CHCHD6: variants seen among roughly 807,000 people sequenced by gnomAD.
CHCHD6 encodes the protein MICOS complex subunit MIC25.
In CHCHD6, 28 loss-of-function variants were observed where a neutral mutation model predicts 32.3. The ratio of observed to expected loss-of-function variants is 0.87; its 90% CI spans 0.64 to 1.19. The LOEUF (loss-of-function observed/expected upper bound fraction) is 1.19, where lower values mean the gene tolerates loss of function less well. Ranked by LOEUF, CHCHD6 falls within the 50% of genes most tolerant of loss-of-function variation. The pLI, the probability that CHCHD6 is intolerant of heterozygous loss-of-function variation, is 0.00. For synonymous variants in CHCHD6, 122 were observed against 117.5 expected (o/e 1.04, Z -0.25); for missense variants, 333 against 307.0 (o/e 1.08, Z -0.63).
chr3:126,791,857 T>A (rs193285072), intron 4 of CHCHD6, among the ~76,000 whole-genome samples: 22 of 152,350 alleles, frequency 1.4e-4, no homozygotes, highest in Non-Finnish European at 3.1e-4. Flanking sequence ...GCGATCCACC[T>A]GCCTTGGCCT....
intron 4 of CHCHD6, among the ~76,000 whole-genome samples, chr3:126,814,578 C>T (rs1215389318): frequency 6.6e-6 from 1 of 152,186 alleles, no homozygotes; most frequent in Non-Finnish European, 1.5e-5. Context: ...CCATAAAAAC[C>T]TAAGAGGACA....
intron 5 of CHCHD6, among the ~76,000 whole-genome samples, chr3:126,912,133 T>C (rs1407752479): frequency 6.6e-6 from 1 of 152,102 alleles, no homozygotes; most frequent in African/African-American, 2.4e-5. Flanking sequence ...TTGAGAGAAG[T>C]GACTTACCCA....
chr3:126,929,374 C>T (rs77338006), intron 6 of CHCHD6, among the ~76,000 whole-genome samples: 3,453 of 152,278 alleles, frequency 0.023, 59 homozygotes, highest in Non-Finnish European at 0.041. Flanking sequence ...TCTGCTGTCT[C>T]CTTGGCTGGG....
At chr3:126,768,174 C>G (rs1196634052) in intron 4 of CHCHD6, among the ~76,000 whole-genome samples, 1 of 152,134 alleles carries the variant, frequency 6.6e-6, no homozygotes, top group Non-Finnish European at 1.5e-5. Context: ...ATTTCTCATG[C>G]ATGGTTTAGC....
intron 6 of CHCHD6, among the ~76,000 whole-genome samples, chr3:126,928,138 G>A (rs778927579): frequency 1.8e-4 from 28 of 152,346 alleles, no homozygotes; most frequent in African/African-American, 4.8e-4. Context: ...GATGACTTCC[G>A]TGAGAGCCCA....
chr3:126,720,329 G>A (rs2107653997), intron 1 of CHCHD6, among the ~76,000 whole-genome samples: 1 of 152,258 alleles, frequency 6.6e-6, no homozygotes. Context: ...TAGATCCCAG[G>A]ACCCCTGAGG....
rs540720417 is a variant in CHCHD6, at chr3:126,782,961, A to T, written c.411+49739A>T. On this transcript the variant is annotated intron_variant, in intron 4 of 7. Transcript: ENST00000290913. ...ATCAATCTTTTGCATATGGCTGGTC[A>T]GTTAGTCCAGCACCATTTATTGAAT... 6.6e-5 allele frequency among the ~76,000 whole-genome samples: 10 copies of T among 152,308 alleles called. No homozygotes were observed. The East Asian group carries it at 1.9e-3, about 29-fold the overall frequency.
chr3:126,890,550 A>T (rs1207311529), intron 5 of CHCHD6, among the ~76,000 whole-genome samples: 2 of 152,142 alleles, frequency 1.3e-5, no homozygotes, highest in African/African-American at 4.8e-5. Context: ...TGGGGATGAG[A>T]GTAGGGACTG....
At chr3:126,834,127 C>G (rs116004006) in intron 4 of CHCHD6, among the ~76,000 whole-genome samples, 4,552 of 144,332 alleles carry the variant, frequency 0.032, 97 homozygotes, top group Non-Finnish European at 0.04. Context: ...GTGAAATAAT[C>G]AATGTATCTT....
Position 126,704,255 on chromosome 3 carries a change from C to A in CHCHD6, c.-58C>A, listed in dbSNP as rs979270249. On this transcript the variant is annotated 5_prime_UTR_variant, in exon 1 of 8. Transcript: ENST00000290913. ...CGAGTCCTGGAAAGCGTTGTTGGCC[C>A]GGTTGCTCTGGAGCCGGGTCTCGGG... 5.0e-6 allele frequency: 7 copies of A among 1,410,990 alleles called. No homozygotes were observed. The highest frequency in any genetic ancestry group is 6.9e-6 in the Non-Finnish European group (7 of 1,010,462). 87.4% of individuals were successfully genotyped at this position (1,410,990 alleles called of 1,614,324 possible).
At chr3:126,960,146 G>A (rs1443650720) in intron 7 of CHCHD6, 50 bp from the exon 8 acceptor site, 1 of 1,551,068 alleles carries the variant, frequency 6.4e-7, no homozygotes, top group Admixed American at 2.0e-5. Flanking sequence ...GGAGCTGGAG[G>A]GCATGGGCGG....
intron 4 of CHCHD6, among the ~76,000 whole-genome samples, chr3:126,774,971 T>A (rs1576400397): frequency 6.6e-6 from 1 of 152,154 alleles, no homozygotes; most frequent in Non-Finnish European, 1.5e-5. Flanking sequence ...ACTCAGGGAA[T>A]CCACTGTCCT....
At chr3:126,908,662 A>G (rs965722043) in intron 5 of CHCHD6, among the ~76,000 whole-genome samples, 2 of 152,202 alleles carry the variant, frequency 1.3e-5, no homozygotes, top group Non-Finnish European at 1.5e-5. Context: ...GAGACCTGAC[A>G]CTTCCGATAC....
At chr3:126,798,569 G>A (rs1938908703) in intron 4 of CHCHD6, among the ~76,000 whole-genome samples, 2 of 151,668 alleles carry the variant, frequency 1.3e-5, no homozygotes, top group South Asian at 2.1e-4. Context: ...TCGGCTCCCC[G>A]ATGGTACTCG....
Position 126,901,069 on chromosome 3 carries a change from G to A in CHCHD6, c.496-13611G>A, listed in dbSNP as rs538004084. 3.9e-5 allele frequency among the ~76,000 whole-genome samples: 6 copies of A among 152,224 alleles called. No homozygotes were observed. The East Asian group carries it at 7.7e-4, about 20-fold the overall frequency. ...TTGACATGAGATTCAGTAGGGACAC[G>A]GATCCAAACCATATCACCAGCACAG... On this transcript the variant is annotated intron_variant, in intron 5 of 7. Coordinates refer to ENST00000290913, the MANE Select transcript of CHCHD6 (RefSeq NM_032343.3).
At chr3:126,920,083 G>C (rs1439552936) in intron 6 of CHCHD6, among the ~76,000 whole-genome samples, 1 of 151,710 alleles carries the variant, frequency 6.6e-6, no homozygotes, top group African/African-American at 2.4e-5. Flanking sequence ...CCATGCTATA[G>C]TTGGAGTTCT....
intron 5 of CHCHD6, among the ~76,000 whole-genome samples, chr3:126,875,553 A>G (rs982298387): frequency 6.6e-6 from 1 of 152,166 alleles, no homozygotes; most frequent in Non-Finnish European, 1.5e-5. Flanking sequence ...GCTGGAGAGA[A>G]TTGGGCTCAA....
intron 4 of CHCHD6, among the ~76,000 whole-genome samples, chr3:126,749,023 C>G (rs1387341033): frequency 6.6e-6 from 1 of 152,140 alleles, no homozygotes; most frequent in African/African-American, 2.4e-5. Flanking sequence ...GAGCCGCGAC[C>G]TAGAGGGTAA....
chr3:126,799,815 G>A (rs919693399), intron 4 of CHCHD6, among the ~76,000 whole-genome samples: 1 of 152,194 alleles, frequency 6.6e-6, no homozygotes, highest in African/African-American at 2.4e-5. Context: ...AGAAGGCTGC[G>A]CCATCTTGGT....
Sources: gnomAD v4.1 joint callset for allele counts (sites outside exome capture counted in the v4.1 genomes callset) on GRCh38, gnomAD v4.1.1 for gene constraint, MANE v1.5 for transcripts, NCBI Gene and HGNC (gene_info 2026-07-23, HGNC 2026-07-21) for gene names.